The following NPRL3 variants were observed in gnomAD, a reference collection of about 807,000 sequenced individuals.
The protein encoded by NPRL3 is NPR3 like, GATOR1 complex subunit.
NPRL3 carries 23 observed loss-of-function variants against 57.2 expected under a neutral mutation model. The ratio of observed to expected loss-of-function variants is 0.40; its 90% CI spans 0.29 to 0.57. The LOEUF (loss-of-function observed/expected upper bound fraction) is 0.57. Ranked by LOEUF, NPRL3 falls within the 20% of genes least tolerant of loss-of-function variation. The probability of loss-of-function intolerance (pLI) is 0.42; values close to 1 mark genes in which losing one functional copy is unlikely to be tolerated. For synonymous variants in NPRL3, 333 were observed against 321.1 expected (o/e 1.04, Z -0.39); for missense variants, 691 against 767.1 (o/e 0.90, Z 1.17).
At chr16:98,439 G>A (rs1351528206) in intron 8 of NPRL3, 138 bp from the exon 9 acceptor site, 1 of 924,698 alleles carries the variant, frequency 1.1e-6, no homozygotes, top group African/African-American at 1.7e-5. Flanking sequence ...CACCAGGTAT[G>A]CACCTGGGAC....
At chr16:107,912 T>C (rs1325634327) in intron 7 of NPRL3, among the ~76,000 whole-genome samples, 4 of 152,220 alleles carry the variant, frequency 2.6e-5, no homozygotes, top group Admixed American at 2.0e-4. Context: ...AAGGGAACAA[T>C]GTCCAAGGAA....
At chr16:121,211 G>A (rs907813418) in intron 3 of NPRL3, among the ~76,000 whole-genome samples, 2 of 152,140 alleles carry the variant, frequency 1.3e-5, no homozygotes, top group African/African-American at 4.8e-5. Flanking sequence ...AGCCCAGTTC[G>A]CGTTTATAAA....
At chr16:132,008 C>CTTT (rs61664945) in intron 2 of NPRL3, among the ~76,000 whole-genome samples, 2,048 of 144,964 alleles carry the variant, frequency 0.014, 50 homozygotes, top group African/African-American at 0.049. Flanking sequence ...TTCTTTCTTT[C>CTTT]TTTTTTTTTT....
In NPRL3 at chr16:112,595, A is replaced by C. The variant is rs546697735; in HGVS notation, c.547+27T>G. The C allele has an allele frequency of 2.8e-5, 42 of 1,518,740 alleles. No homozygotes were observed. In the East Asian group the frequency reaches 9.8e-4, roughly 35 times the overall value. 94.1% of individuals were successfully genotyped at this position (1,518,740 alleles called of 1,614,324 possible). The stretch of plus-strand genomic sequence containing the variant: ...AGAGGCCACCAGCCAGCCCAGACCC[A>C]TGCCCATCACGCCCTGCTGCACTCA... On this transcript the variant is annotated intron_variant, in intron 6 of 13. Transcript: ENST00000611875.
chr16:87,112 G>A (rs1898510976), intron 13 of NPRL3, among the ~76,000 whole-genome samples: 1 of 152,250 alleles, frequency 6.6e-6, no homozygotes, highest in Admixed American at 6.5e-5. Flanking sequence ...GCAGACGGCT[G>A]TTCAAACCCA....
At chr16:117,536 C>CA (rs772039015) in intron 4 of NPRL3, among the ~76,000 whole-genome samples, 161 bp from the exon 5 acceptor site, 73 of 152,252 alleles carry the variant, frequency 4.8e-4, no homozygotes, top group Non-Finnish European at 8.8e-4. Flanking sequence ...ACTGCATGGG[C>CA]AAAGTCACAA....
chr16:116,385 C>G (rs571914246), intron 5 of NPRL3, among the ~76,000 whole-genome samples: 10 of 152,282 alleles, frequency 6.6e-5, no homozygotes, highest in African/African-American at 2.4e-4. Flanking sequence ...TACAAAGATG[C>G]TATGAAAATG....
chr16:128,629 G>A (rs997541894), intron 3 of NPRL3, among the ~76,000 whole-genome samples: 36 of 152,220 alleles, frequency 2.4e-4, no homozygotes, highest in Admixed American at 5.2e-4. Context: ...TTAGCCGGGC[G>A]TGGTGGCAGT....
intron 9 of NPRL3, among the ~76,000 whole-genome samples, chr16:96,387 C>T (rs986920134): frequency 3.3e-5 from 5 of 152,142 alleles, no homozygotes; most frequent in Non-Finnish European, 5.9e-5. Flanking sequence ...CATCAGGACA[C>T]GGAGGGTCAC....
intron 4 of NPRL3, 60 bp downstream of exon 4, chr16:119,047 TGCCCAAGGAGAGCCACACC>T (rs1900170910): frequency 6.4e-7 from 1 of 1,573,388 alleles, no homozygotes; most frequent in Admixed American, 1.8e-5. Flanking sequence ...GAGCCACACC[TGCCCAAGGAGAGCCACACC>T]TGCCCAAGGA....
intron 3 of NPRL3, chr16:123,496 C>T (rs1289153939): frequency 6.4e-6 from 3 of 470,986 alleles, no homozygotes; most frequent in Non-Finnish European, 1.3e-5. Context: ...GTGGAGAGGT[C>T]TCGGTCTTAC....
At chr16:130,950 T>C (rs1442401370) in intron 2 of NPRL3, among the ~76,000 whole-genome samples, 1 of 152,180 alleles carries the variant, frequency 6.6e-6, no homozygotes, top group African/African-American at 2.4e-5. Flanking sequence ...TAGAAACAGA[T>C]AGCGGTAATG....
chr16:107,818 G>A (rs1025341357), intron 7 of NPRL3, among the ~76,000 whole-genome samples: 4 of 152,110 alleles, frequency 2.6e-5, no homozygotes, highest in African/African-American at 9.7e-5. Flanking sequence ...GCACACCACC[G>A]CACCAGCTTG....
intron 5 of NPRL3, among the ~76,000 whole-genome samples, chr16:113,065 G>A (rs550750509): frequency 1.3e-4 from 19 of 142,502 alleles, no homozygotes; most frequent in Admixed American, 1.1e-3. Context: ...GCCCTAAGGA[G>A]GCACTGTTGT....
At position 110,548 on chromosome 16, in the gene NPRL3, C is replaced by T; in HGVS notation, c.606G>A (p.Arg202=). 6.2e-7 allele frequency: 1 copy of T among 1,612,106 alleles called. No individual in the cohort carries two copies. The highest frequency in any genetic ancestry group is 8.5e-7 in the Non-Finnish European group (1 of 1,179,100). The stretch of plus-strand genomic sequence containing the variant: ...ACCTGTCATAAGCTTCCTTGAGGTC[C>T]CTGGCCAGCTTGCACTTGGGCAGGA... The part of the protein sequence containing the change: ...HHILPKCKLA[R]DLKEAYDSLC... The change falls in exon 7 of 14, where the codon AGG becomes AGA. Residue 202 remains arginine, a synonymous_variant. Coordinates refer to ENST00000611875, the MANE Select transcript of NPRL3 (RefSeq NM_001077350.3).
chr16:88,605 G>T (rs1898606310), intron 13 of NPRL3, 93 bp downstream of exon 13: 2 of 1,141,740 alleles, frequency 1.8e-6, no homozygotes, highest in Non-Finnish European at 1.3e-6. Context: ...TCTGTTCTCA[G>T]TGGATTTGGT....
chr16:88,518 C>T (rs182358434), intron 13 of NPRL3, among the ~76,000 whole-genome samples, 180 bp downstream of exon 13: 67 of 152,274 alleles, frequency 4.4e-4, no homozygotes, highest in Middle Eastern at 6.8e-3. Context: ...TGGTGACAAG[C>T]CGAACCCTCA....
Position 121,352 on chromosome 16 carries a change from G to A in NPRL3, c.189-2097C>T, listed in dbSNP as rs565934480. The stretch of plus-strand genomic sequence containing the variant: ...AAAAAGGCACACTGGGCCAGGCGTG[G>A]TGGCTCACACCTGTCATCCCAGCAC... On this transcript the variant is annotated intron_variant, in intron 3 of 13. Coordinates refer to ENST00000611875, the MANE Select transcript of NPRL3 (RefSeq NM_001077350.3). 3.9e-4 allele frequency among the ~76,000 whole-genome samples: 60 copies of A among 152,342 alleles called. 2 individuals carry two copies. The South Asian group carries it at 0.011, about 27-fold the overall frequency.
intron 5 of NPRL3, among the ~76,000 whole-genome samples, chr16:113,409 A>G (rs937151619): frequency 1.3e-5 from 2 of 152,214 alleles, no homozygotes; most frequent in Non-Finnish European, 2.9e-5. Context: ...CTCCAGGCCC[A>G]TATCTCTGCC....
Sources: allele counts gnomAD v4.1 joint callset (sites outside exome capture counted in the v4.1 genomes callset), GRCh38; gene constraint gnomAD v4.1.1; transcripts MANE v1.5; gene names NCBI Gene and HGNC (gene_info 2026-07-23, HGNC 2026-07-21).